LCOR: variants seen among roughly 807,000 people sequenced by gnomAD.
LCOR encodes the protein ligand-dependent corepressor.
In LCOR, 14 loss-of-function variants were observed where a neutral mutation model predicts 64.4. That is an observed-to-expected ratio of 0.22 (90% CI 0.14 to 0.34). LCOR has a LOEUF of 0.34. Among genes scored for constraint, LCOR ranks in the 10% least tolerant of loss-of-function variants. The pLI is 1.00. For missense variants in LCOR, 1,686 were observed against 1,765.3 expected (o/e 0.96, Z 0.80); for synonymous variants, 643 against 642.5 (o/e 1.00, Z -0.01).
intron 2 of LCOR, among the ~76,000 whole-genome samples, chr10:96,864,540 A>G (rs1845938997): frequency 6.6e-6 from 1 of 152,224 alleles, no homozygotes. Flanking sequence ...CTTAGAATAT[A>G]ATGGGAAAAA....
intron 2 of LCOR, among the ~76,000 whole-genome samples, chr10:96,897,101 C>CAAAAAAAAAAAAAAAAAA (rs370380714): frequency 1.3e-5 from 1 of 78,856 alleles, no homozygotes. Flanking sequence ...GAAAGAAAAG[C>CAAAAAAAAAAAAAAAAAA]AAAAAAAAAA....
intron 7 of LCOR, chr10:96,954,945 C>A: frequency 6.2e-7 from 1 of 1,611,162 alleles, no homozygotes; most frequent in South Asian, 1.1e-5. Flanking sequence ...TTCCTTCCAT[C>A]CAATTAGGCG....
intron 2 of LCOR, among the ~76,000 whole-genome samples, chr10:96,893,776 A>G (rs1564617718): frequency 6.6e-6 from 1 of 151,910 alleles, no homozygotes; most frequent in Non-Finnish European, 1.5e-5. Context: ...AAAAAAAAAA[A>G]AAGAAATTGT....
chr10:96,956,194 A>C, intron 7 of LCOR: 2 of 1,170,024 alleles, frequency 1.7e-6, no homozygotes, highest in Non-Finnish European at 2.1e-6. Flanking sequence ...GATACATGGA[A>C]GTGGACTCCT....
At chr10:96,954,182 T>G (rs1458569326) in intron 7 of LCOR, among the ~76,000 whole-genome samples, 1 of 152,200 alleles carries the variant, frequency 6.6e-6, no homozygotes, top group East Asian at 1.9e-4. Flanking sequence ...GTAATTTCTT[T>G]TAAGCTTGGA....
chr10:96,872,248 C>G (rs1846084064), intron 2 of LCOR, among the ~76,000 whole-genome samples: 1 of 152,268 alleles, frequency 6.6e-6, no homozygotes, highest in African/African-American at 2.4e-5. Context: ...AAAAGTATTG[C>G]TGAACCTGTG....
At chr10:96,980,207 G>A (rs1233167977) in intron 7 of LCOR, among the ~76,000 whole-genome samples, 2 of 151,540 alleles carry the variant, frequency 1.3e-5, no homozygotes, top group Non-Finnish European at 2.9e-5. Flanking sequence ...CTAAACCCAA[G>A]ATTTGTACTG....
chr10:96,908,840 C>T lies in LCOR; in HGVS notation c.-184+1093C>T, dbSNP rs568713710. ...ACGCCATTCTCCTGCCTCAGCCTCA[C>T]GAGTAGCTGGGACTACAGGCGCCCG... On this transcript the variant is annotated intron_variant, in intron 4 of 7. Transcript: ENST00000421806. Among the ~76,000 whole-genome samples, 48 of 152,154 alleles carry T rather than the reference C, an allele frequency of 3.2e-4. 1 individual carries two copies. The South Asian group carries it at 9.3e-3, about 30-fold the overall frequency.
intron 2 of LCOR, among the ~76,000 whole-genome samples, chr10:96,882,970 G>C (rs1271672533): frequency 6.6e-6 from 1 of 152,064 alleles, no homozygotes; most frequent in Non-Finnish European, 1.5e-5. Flanking sequence ...TTACTACCAG[G>C]CATCTTAGTT....
At chr10:96,971,777 T>G (rs1848001313) in intron 7 of LCOR, among the ~76,000 whole-genome samples, 1 of 152,230 alleles carries the variant, frequency 6.6e-6, no homozygotes, top group South Asian at 2.1e-4. Context: ...TCAACCCTTG[T>G]AGTTAAAACT....
chr10:96,840,394 T>G (rs1159238703), intron 2 of LCOR, among the ~76,000 whole-genome samples: 2 of 152,362 alleles, frequency 1.3e-5, no homozygotes, highest in Admixed American at 1.3e-4. Flanking sequence ...TGTTGTATCT[T>G]TACTATAATG....
chr10:96,903,847 T>C (rs1311958641), intron 2 of LCOR, among the ~76,000 whole-genome samples: 2 of 152,204 alleles, frequency 1.3e-5, no homozygotes, highest in African/African-American at 4.8e-5. Context: ...GAGAGAAACA[T>C]TGTTCCTATA....
At chr10:96,852,552 A>G (rs1484980875) in intron 2 of LCOR, among the ~76,000 whole-genome samples, 2 of 152,264 alleles carry the variant, frequency 1.3e-5, no homozygotes, top group South Asian at 2.1e-4. Context: ...TGCAAATATT[A>G]TAAAATCTGA....
chr10:96,841,305 G>A (rs1845536145), intron 2 of LCOR, among the ~76,000 whole-genome samples: 4 of 151,618 alleles, frequency 2.6e-5, no homozygotes, highest in Admixed American at 2.6e-4. Context: ...ATGTATTAAT[G>A]GTATCACCAT....
At position 96,981,439 on chromosome 10, in the gene LCOR, G is replaced by A. The variant is rs1192688124; in HGVS notation, c.979G>A (p.Ala327Thr). The A allele has an allele frequency of 1.2e-6, 2 of 1,614,186 alleles. No individual in the cohort carries two copies. Among genetic ancestry groups the A allele is most frequent in the Non-Finnish European group, 8.5e-7 (1 of 1,180,044 alleles). ...VESLITVKMA[A>T]ENSEEGNTCI... Reference sequence around the variant, plus strand: ...AAGTCTAATTACAGTAAAAATGGCAGCTGAGAATAGTGAGGAAGGCAATAC... The same window carrying A: ...AAGTCTAATTACAGTAAAAATGGCAACTGAGAATAGTGAGGAAGGCAATAC... Residue 327 changes from alanine (A) to threonine (T), a missense_variant, in exon 8 of 8, where the codon GCT (alanine) becomes ACT (threonine). Ala to Thr is a moderately conservative substitution (Grantham distance 58, BLOSUM62 0). Around this residue, in one of 3 missense-constraint regions of LCOR, gnomAD observed 313 missense variants for 247.2 expected, o/e 1.27. Coordinates refer to ENST00000421806, the MANE Select transcript of LCOR (RefSeq NM_001346516.2).
intron 4 of LCOR, among the ~76,000 whole-genome samples, chr10:96,936,895 G>C (rs987248851): frequency 2.6e-5 from 4 of 152,054 alleles, no homozygotes; most frequent in African/African-American, 9.7e-5. Context: ...GTCACAATAA[G>C]AGATTAAAAC....
chr10:96,982,365 A>C lies in LCOR; in HGVS notation c.1905A>C (p.Thr635=), dbSNP rs1363309591. The C allele has an allele frequency of 6.2e-7, 1 of 1,614,178 alleles. No homozygotes were observed. Among genetic ancestry groups the C allele is most frequent in the Non-Finnish European group, 8.5e-7 (1 of 1,180,010 alleles). ...PEEDLPEGGS[T]VSAPTASGMS... ...AGGACCTGCCAGAAGGTGGCTCCAC[A>C]GTCTCAGCTCCCACAGCAAGTGGGA... The change falls in exon 8 of 8, where the codon ACA becomes ACC. Residue 635 remains threonine (T), a synonymous_variant. Transcript: ENST00000421806.
intron 2 of LCOR, among the ~76,000 whole-genome samples, chr10:96,858,676 A>G (rs1845841573): frequency 6.6e-6 from 1 of 152,196 alleles, no homozygotes; most frequent in South Asian, 2.1e-4. Flanking sequence ...GAGTGTCATT[A>G]GGGAGGGGAA....
chr10:96,837,318 G>A (rs760872970), intron 2 of LCOR, among the ~76,000 whole-genome samples: 4 of 151,620 alleles, frequency 2.6e-5, no homozygotes, highest in African/African-American at 4.8e-5. Flanking sequence ...GTGCAGTGGC[G>A]TGATCTTGGC....
Sources: allele counts gnomAD v4.1 joint callset (sites outside exome capture counted in the v4.1 genomes callset), GRCh38; gene constraint gnomAD v4.1.1; regional missense constraint gnomAD v4.1.1; transcripts MANE v1.5; gene names NCBI Gene and HGNC (gene_info 2026-07-23, HGNC 2026-07-21).